The following SHCBP1L variants were observed in gnomAD, a reference collection of about 807,000 sequenced individuals.
SHCBP1L encodes testicular spindle-associated protein SHCBP1L.
A neutral mutation model predicts 62.5 loss-of-function variants in SHCBP1L; 67 were observed. The ratio of observed to expected loss-of-function variants is 1.07; its 90% confidence interval spans 0.88 to 1.31. The LOEUF is 1.31. SHCBP1L is among the 40% of genes most tolerant of loss of function. SHCBP1L has a pLI of 0.00. For synonymous variants in SHCBP1L, 284 were observed against 289.4 expected (o/e 0.98, Z 0.19); for missense variants, 823 against 809.8 (o/e 1.02, Z -0.20).
intron 1 of SHCBP1L, chr1:182,951,907 C>A (rs543996087): frequency 2.1e-4 from 75 of 358,940 alleles, no homozygotes; most frequent in African/African-American, 1.6e-3. Flanking sequence ...GTAATCCCAA[C>A]ACTTTGGGAG....
At chr1:182,952,471 C>T (rs1166298493) in intron 1 of SHCBP1L, 1 of 434,084 alleles carries the variant, frequency 2.3e-6, no homozygotes, top group African/African-American at 2.1e-5. Context: ...TAGGAGCTCT[C>T]AGAAAATTCT....
intron 9 of SHCBP1L, among the ~76,000 whole-genome samples, chr1:182,901,574 G>A (rs1649839201): frequency 6.6e-6 from 1 of 152,212 alleles, no homozygotes; most frequent in Non-Finnish European, 1.5e-5. Flanking sequence ...AGGAAGATTG[G>A]AAGGAGATTA....
At chr1:182,952,215 TATATATATATATATATATATACAC>T (rs1337965077) in intron 1 of SHCBP1L, among the ~76,000 whole-genome samples, 1,480 of 61,048 alleles carry the variant, frequency 0.024, 69 homozygotes, top group African/African-American at 0.13. Flanking sequence ...TATATATATA[TATATATATATATATATATATACAC>T]ACACACACAC....
chr1:182,911,015 A>G (rs943494260), intron 6 of SHCBP1L, among the ~76,000 whole-genome samples: 1 of 151,652 alleles, frequency 6.6e-6, no homozygotes, highest in Non-Finnish European at 1.5e-5. Context: ...TCAGCCTCCC[A>G]ACTAGCTGGG....
chr1:182,908,502 A>G (rs1650085593), intron 6 of SHCBP1L, among the ~76,000 whole-genome samples: 1 of 152,198 alleles, frequency 6.6e-6, no homozygotes, highest in South Asian at 2.1e-4. Context: ...CCACATTTAC[A>G]TTATTCAATC....
chr1:182,920,983 C>G (rs982236442), intron 6 of SHCBP1L, among the ~76,000 whole-genome samples: 1 of 152,112 alleles, frequency 6.6e-6, no homozygotes, highest in African/African-American at 2.4e-5. Context: ...AATTTCCCAA[C>G]CTCTCCAGAG....
intron 2 of SHCBP1L, among the ~76,000 whole-genome samples, chr1:182,949,580 A>C (rs1558006520): frequency 1.3e-5 from 2 of 151,854 alleles, no homozygotes; most frequent in South Asian, 4.2e-4. Flanking sequence ...GCCTGCAGTC[A>C]CAGCTACTCA....
rs72253101 is a variant in SHCBP1L at position 182,906,432 on chromosome 1, CTT to C, written c.1183-785_1183-784del. Among the ~76,000 whole-genome samples, 1,034 of 142,388 alleles carry C rather than the reference CTT, an allele frequency of 7.3e-3. 14 individuals are homozygous for C. The highest frequency in any genetic ancestry group is 0.024 in the African/African-American group (960 of 39,242). 93.4% of individuals were successfully genotyped at this position (142,388 alleles called of 152,430 possible). A position where few individuals can be genotyped will look rare whatever the true frequency, so the allele number is the denominator to read the frequency against. The stretch of plus-strand genomic sequence containing the variant: ...CCAGTTTTAGTAAATGAACAAAATT[CTT>C]TTTTTTTTTTTTCCGAGATCGAATT... On this transcript the variant is annotated intron_variant, in intron 6 of 9. Coordinates refer to ENST00000367547, the MANE Select transcript of SHCBP1L (RefSeq NM_030933.4).
intron 6 of SHCBP1L, among the ~76,000 whole-genome samples, chr1:182,906,359 T>G (rs968712051): frequency 4.2e-4 from 64 of 152,298 alleles, no homozygotes; most frequent in African/African-American, 1.5e-3. Context: ...CCAGATCTCA[T>G]GCTCTTCCCT....
intron 2 of SHCBP1L, among the ~76,000 whole-genome samples, chr1:182,943,771 G>C (rs542260416): frequency 1.3e-5 from 2 of 150,624 alleles, no homozygotes; most frequent in African/African-American, 4.9e-5. Flanking sequence ...ATTTTTTTCA[G>C]TATTATACAT....
rs1049517840 is a variant in SHCBP1L, at chr1:182,927,671, C to CAAA, written c.1182+1973_1182+1975dup. Among the ~76,000 whole-genome samples the CAAA allele has an allele frequency of 6.2e-3, 453 of 72,678 alleles. 14 individuals carry two copies. Among genetic ancestry groups the CAAA allele is most frequent in the African/African-American group, 0.018 (419 of 22,972 alleles). 47.7% of individuals were successfully genotyped at this position (72,678 alleles called of 152,430 possible). A position where few individuals can be genotyped will look rare whatever the true frequency, so the allele number is the denominator to read the frequency against. On this transcript the variant is annotated intron_variant, in intron 6 of 9. Coordinates refer to ENST00000367547, the MANE Select transcript of SHCBP1L (RefSeq NM_030933.4). ...TGGGCGACAGAGCGAGACTCCGTCT[C>CAAA]AAAAAAAAAAAAAAAAAAAGCTTAT... is the stretch of plus-strand genomic sequence containing the variant.
intron 9 of SHCBP1L, among the ~76,000 whole-genome samples, chr1:182,901,183 C>T (rs113288247): frequency 1.3e-3 from 192 of 152,120 alleles, no homozygotes; most frequent in African/African-American, 4.5e-3. Flanking sequence ...TCAGGTCAGG[C>T]GTGGTGGCTC....
rs1376209297 is a variant in SHCBP1L, at chr1:182,952,197, T to A, written c.405+532A>T. On this transcript the variant is annotated intron_variant, in intron 1 of 9. Transcript: ENST00000367547. Reference sequence around the variant, plus strand: ...AAAAAAAAAAAAAAAAAAAAATATATATATATATATATATATATATATATA... The same window carrying A: ...AAAAAAAAAAAAAAAAAAAAATATAAATATATATATATATATATATATATA... Among the ~76,000 whole-genome samples, 93 of 15,598 alleles carry A rather than the reference T, an allele frequency of 6.0e-3. 4 individuals are homozygous for A. The highest frequency in any genetic ancestry group is 0.013 in the South Asian group (3 of 238). 10.2% of individuals were successfully genotyped at this position (15,598 alleles called of 152,430 possible). A position where few individuals can be genotyped will look rare whatever the true frequency, so the allele number is the denominator to read the frequency against.
At chr1:182,930,912 G>C (rs1650978421) in intron 5 of SHCBP1L, among the ~76,000 whole-genome samples, 1 of 138,726 alleles carries the variant, frequency 7.2e-6, no homozygotes, top group East Asian at 2.1e-4. Flanking sequence ...TTTTTTAAGA[G>C]GCAGGGTCTC....
At chr1:182,937,155 G>A (rs966907952) in intron 5 of SHCBP1L, among the ~76,000 whole-genome samples, 1 of 151,892 alleles carries the variant, frequency 6.6e-6, no homozygotes, top group Non-Finnish European at 1.5e-5. Context: ...GTAGACATGA[G>A]TTTTTCTCAT....
chr1:182,944,795 T>C (rs1343790402), intron 2 of SHCBP1L, among the ~76,000 whole-genome samples: 1 of 152,108 alleles, frequency 6.6e-6, no homozygotes, highest in Non-Finnish European at 1.5e-5. Context: ...ACCAATATGG[T>C]TATATCTTAA....
At chr1:182,926,394 G>C (rs975767014) in intron 6 of SHCBP1L, among the ~76,000 whole-genome samples, 1 of 152,044 alleles carries the variant, frequency 6.6e-6, no homozygotes, top group African/African-American at 2.4e-5. Context: ...AAAAATGATG[G>C]CTATATTATT....
chr1:182,900,970 A>G (rs897321481), intron 9 of SHCBP1L, among the ~76,000 whole-genome samples: 1 of 152,274 alleles, frequency 6.6e-6, no homozygotes, highest in African/African-American at 2.4e-5. Context: ...GTATGGCAAT[A>G]CAACCCATGA....
chr1:182,907,187 T>C (rs145527384), intron 6 of SHCBP1L, among the ~76,000 whole-genome samples: 14,055 of 151,484 alleles, frequency 0.093, 926 homozygotes, highest in African/African-American at 0.18. Flanking sequence ...AATCCCAGCA[T>C]TTTGGGAGGC....
Sources: allele counts gnomAD v4.1 joint callset (sites outside exome capture counted in the v4.1 genomes callset), GRCh38; gene constraint gnomAD v4.1.1; transcripts MANE v1.5; gene names NCBI Gene and HGNC (gene_info 2026-07-23, HGNC 2026-07-21).